PTPRQ: variants seen among roughly 807,000 people sequenced by gnomAD.
The protein encoded by PTPRQ is protein tyrosine phosphatase receptor type Q, also known as phosphatidylinositol phosphatase PTPRQ.
A neutral mutation model predicts 246.0 loss-of-function variants in PTPRQ; 199 were observed. The observed-to-expected ratio is 0.81, with a 90% CI of 0.72 to 0.91. The LOEUF (loss-of-function observed/expected upper bound fraction) is 0.91. Ranked by LOEUF, PTPRQ falls within the 40% of genes least tolerant of loss-of-function variation. The probability of loss-of-function intolerance (pLI) is 0.00; values close to 1 mark genes in which losing one functional copy is unlikely to be tolerated. For synonymous variants in PTPRQ, 869 were observed against 853.2 expected (o/e 1.02, Z -0.32); for missense variants, 2,624 against 2,528.4 (o/e 1.04, Z -0.81).
chr12:80,666,549 G>A (rs1355708486), intron 39 of PTPRQ, among the ~76,000 whole-genome samples: 1 of 151,940 alleles, frequency 6.6e-6, no homozygotes, highest in Non-Finnish European at 1.5e-5. Context: ...ATAGCTAGAA[G>A]AGCAGAATTT....
intron 14 of PTPRQ, among the ~76,000 whole-genome samples, chr12:80,500,402 C>G (rs1038277415): frequency 6.6e-6 from 1 of 151,960 alleles, no homozygotes; most frequent in Non-Finnish European, 1.5e-5. Flanking sequence ...GATGATCCAG[C>G]ACTAGTTATT....
At position 80,453,707 on chromosome 12, in the gene PTPRQ, G is replaced by A. The variant is rs201186112; in HGVS notation, c.391-3868G>A. On this transcript the variant is annotated intron_variant, in intron 3 of 44. Coordinates refer to ENST00000644991, the MANE Select transcript of PTPRQ (RefSeq NM_001145026.2). ...ATTTTCGTGAACCGCAAATGCTGCT[G>A]TCTGATCATTCCTCTGGAAGTTTTG... is the stretch of plus-strand genomic sequence containing the variant. Among the ~76,000 whole-genome samples the A allele has an allele frequency of 1.3e-3, 85 of 64,608 alleles. No individual in the cohort carries two copies. The East Asian group carries it at 0.022, about 16-fold the overall frequency. 42.4% of individuals were successfully genotyped at this position (64,608 alleles called of 152,430 possible).
chr12:80,585,481 C>T (rs1897581478), intron 25 of PTPRQ, among the ~76,000 whole-genome samples: 1 of 152,104 alleles, frequency 6.6e-6, no homozygotes. Context: ...AGTCTGTTCT[C>T]AACACAGTAG....
intron 25 of PTPRQ, among the ~76,000 whole-genome samples, chr12:80,567,620 A>T (rs1004317430): frequency 6.6e-6 from 1 of 152,184 alleles, no homozygotes; most frequent in Admixed American, 6.5e-5. Context: ...CTGTTGCTAC[A>T]GTTTTTTTAA....
chr12:80,493,854 A>C (rs185085208), intron 10 of PTPRQ, among the ~76,000 whole-genome samples: 248 of 152,078 alleles, frequency 1.6e-3, no homozygotes, highest in East Asian at 0.011. Context: ...AAAGTTACAA[A>C]TCTAGTGCAT....
At chr12:80,534,318 CTT>C in intron 18 of PTPRQ, 143 bp downstream of exon 18, 1 of 925,318 alleles carries the variant, frequency 1.1e-6, no homozygotes, top group Non-Finnish European at 1.5e-6. Context: ...ATTTTGATCA[CTT>C]TTTAGCTGTG....
chr12:80,634,717 A>T, intron 34 of PTPRQ: 1 of 476,274 alleles, frequency 2.1e-6, no homozygotes, highest in Non-Finnish European at 3.4e-6. Flanking sequence ...TCTTAAATTT[A>T]GAACTTCATC....
chr12:80,585,100 A>G (rs1040659111), intron 25 of PTPRQ, among the ~76,000 whole-genome samples: 6 of 151,954 alleles, frequency 3.9e-5, no homozygotes, highest in East Asian at 1.9e-4. Context: ...TCCAGACTCA[A>G]GCTTCTATCT....
intron 35 of PTPRQ, among the ~76,000 whole-genome samples, chr12:80,643,863 A>C (rs180869892): frequency 1.3e-3 from 191 of 152,302 alleles, no homozygotes; most frequent in African/African-American, 4.4e-3. Flanking sequence ...ATTCTTCACA[A>C]ATTTAATCTA....
chr12:80,610,110 C>G (rs1898493173), intron 27 of PTPRQ, among the ~76,000 whole-genome samples: 1 of 150,414 alleles, frequency 6.6e-6, no homozygotes, highest in Non-Finnish European at 1.5e-5. Context: ...GATTAGGTAC[C>G]AAAACCTCTA....
At chr12:80,591,906 G>A (rs1483607341) in intron 26 of PTPRQ, among the ~76,000 whole-genome samples, 2 of 152,148 alleles carry the variant, frequency 1.3e-5, no homozygotes, top group African/African-American at 2.4e-5. Flanking sequence ...TAAATGCACA[G>A]TCTCTTGCAA....
chr12:80,664,996 C>T (rs113647337), intron 39 of PTPRQ, among the ~76,000 whole-genome samples: 18 of 151,856 alleles, frequency 1.2e-4, no homozygotes, highest in African/African-American at 3.1e-4. Flanking sequence ...TATGAAGGGG[C>T]GTTTATTAAG....
intron 39 of PTPRQ, among the ~76,000 whole-genome samples, chr12:80,658,863 T>TCC (rs1900535456): frequency 6.6e-6 from 1 of 152,048 alleles, no homozygotes; most frequent in Non-Finnish European, 1.5e-5. Context: ...GGTCTTCTCA[T>TCC]CCATGCCCTC....
intron 6 of PTPRQ, chr12:80,465,315 ACT>A (rs1367576269): frequency 1.3e-5 from 2 of 152,244 alleles, no homozygotes; most frequent in Non-Finnish European, 2.9e-5. Context: ...GAAGAAGTTG[ACT>A]CTCTGAATAG....
At chr12:80,671,811 C>T (rs1193894100) in intron 42 of PTPRQ, among the ~76,000 whole-genome samples, 1 of 152,038 alleles carries the variant, frequency 6.6e-6, no homozygotes, top group African/African-American at 2.4e-5. Flanking sequence ...GCCCTGGAGT[C>T]ATCCTTGATT....
chr12:80,456,993 A>G (rs568062580), intron 3 of PTPRQ, among the ~76,000 whole-genome samples: 1 of 152,242 alleles, frequency 6.6e-6, no homozygotes, highest in African/African-American at 2.4e-5. Flanking sequence ...CATTTGCAAA[A>G]GCTTGAGTCT....
chr12:80,444,595 AC>A (rs1892496263), intron 1 of PTPRQ, 145 bp from the exon 2 acceptor site: 2 of 710,716 alleles, frequency 2.8e-6, no homozygotes, highest in African/African-American at 3.6e-5. Context: ...TTTGTATCTT[AC>A]AATAATATGG....
At chr12:80,482,185 C>T (rs1488756366) in intron 8 of PTPRQ, among the ~76,000 whole-genome samples, 1 of 150,668 alleles carries the variant, frequency 6.6e-6, no homozygotes, top group Non-Finnish European at 1.5e-5. Context: ...AGATATAGAT[C>T]AATGGAACAG....
intron 17 of PTPRQ, among the ~76,000 whole-genome samples, chr12:80,515,566 G>C (rs999000020): frequency 1.3e-5 from 2 of 151,608 alleles, no homozygotes; most frequent in Admixed American, 6.6e-5. Context: ...GATTACAGGT[G>C]CCCATTACCA....
Sources: gnomAD v4.1 joint callset for allele counts (sites outside exome capture counted in the v4.1 genomes callset) on GRCh38, gnomAD v4.1.1 for gene constraint, MANE v1.5 for transcripts, NCBI Gene and HGNC (gene_info 2026-07-23, HGNC 2026-07-21) for gene names.